Variants in RP1 observed in about 807,000 individuals in gnomAD.
RP1 encodes the protein oxygen-regulated protein 1.
Under a neutral mutation model 14.8 loss-of-function variants are expected in RP1, and 16 were observed. The observed-to-expected ratio is 1.08, with a 90% CI of 0.73 to 1.65. The LOEUF (loss-of-function observed/expected upper bound fraction) is 1.65, where lower values mean the gene tolerates loss of function less well. Among genes scored for constraint, RP1 ranks in the 40% most tolerant of loss-of-function variants. The pLI, the probability that RP1 is intolerant of heterozygous loss-of-function variation, is 0.00. For missense variants in RP1, 2,631 were observed against 2,535.0 expected, an observed-to-expected ratio of 1.04 and a Z score of -0.81; for synonymous variants, 876 against 883.6, an observed-to-expected ratio of 0.99 and a Z score of 0.15.
intron 7 of RP1, among the ~76,000 whole-genome samples, chr8:54,670,704 TATAA>T (rs1807159478): frequency 1.7e-5 from 2 of 114,504 alleles, no homozygotes; most frequent in Admixed American, 9.3e-5. Context: ...TATATATATA[TATAA>T]AACATTAAGT....
intron 1 of RP1, among the ~76,000 whole-genome samples, chr8:54,608,002 G>A (rs889424081): frequency 2.6e-5 from 4 of 151,914 alleles, no homozygotes; most frequent in African/African-American, 4.8e-5. Context: ...TGGGTGAGGC[G>A]ATGCCTCACC....
chr8:54,780,399 C>T (rs1381094250), intron 23 of RP1, among the ~76,000 whole-genome samples: 1 of 152,222 alleles, frequency 6.6e-6, no homozygotes, highest in Non-Finnish European at 1.5e-5. Context: ...ATCGAACTCA[C>T]TTCTTCCCTT....
rs1198994226 is a variant in RP1, at chr8:54,630,271, G to C, written c.6389G>C (p.Gly2130Ala). 2 of 1,613,494 alleles carry C rather than the reference G, an allele frequency of 1.2e-6. No homozygotes were observed. The highest frequency in any genetic ancestry group is 1.7e-6 in the Non-Finnish European group (2 of 1,179,824). Residue 2130 changes from glycine (G) to alanine (A), a missense_variant, in exon 4 of 4, where the codon GGT becomes GCT. Physicochemically the swap from Gly to Ala is moderately conservative, Grantham distance 60 (BLOSUM62 0). Transcript: ENST00000220676. ...RNILELCMFE[G>A]ENLFIWEEED... ...ATTTTAGAACTTTGTATGTTTGAGG[G>C]TGAAAATCTTTTCATTTGGGAAGAG...
intron 1 of RP1, among the ~76,000 whole-genome samples, chr8:54,617,596 C>G: frequency 6.6e-6 from 1 of 152,204 alleles, no homozygotes; most frequent in East Asian, 1.9e-4. Flanking sequence ...TGGAGGGCAT[C>G]TCTACCACTT....
At chr8:54,840,592 CAAA>C (rs59468913) in intron 25 of RP1, among the ~76,000 whole-genome samples, 1 of 127,478 alleles carries the variant, frequency 7.8e-6, no homozygotes, top group African/African-American at 2.8e-5. Context: ...TTGTTACATG[CAAA>C]AAAAAAAAAA....
intron 27 of RP1, among the ~76,000 whole-genome samples, chr8:54,861,226 G>A (rs1226405083): frequency 1.3e-5 from 2 of 152,114 alleles, no homozygotes; most frequent in Non-Finnish European, 2.9e-5. Flanking sequence ...TACCAGTACT[G>A]GTGGTTCTAC....
intron 27 of RP1, among the ~76,000 whole-genome samples, chr8:54,863,402 T>C (rs1812394734): frequency 6.6e-6 from 1 of 152,206 alleles, no homozygotes; most frequent in Non-Finnish European, 1.5e-5. Context: ...TGCATGATAA[T>C]GAAATCACCT....
At chr8:54,852,751 A>C (rs1470479245) in intron 26 of RP1, 1 of 1,230,878 alleles carries the variant, frequency 8.1e-7, no homozygotes, top group African/African-American at 1.5e-5. Flanking sequence ...GGTCTTCATC[A>C]GTTTTTACCG....
intron 3 of RP1, among the ~76,000 whole-genome samples, chr8:54,641,942 C>T (rs1806461620): frequency 6.6e-6 from 1 of 152,178 alleles, no homozygotes. Context: ...CTACTACCCT[C>T]CTCTCCTCAC....
At chr8:54,687,960 C>T (rs891063348) in intron 12 of RP1, among the ~76,000 whole-genome samples, 2 of 152,160 alleles carry the variant, frequency 1.3e-5, no homozygotes, top group African/African-American at 2.4e-5. Context: ...TCTCCACATC[C>T]CCTCCAGCAT....
chr8:54,640,884 C>CCTTG, intron 3 of RP1, among the ~76,000 whole-genome samples: 1 of 151,946 alleles, frequency 6.6e-6, no homozygotes, highest in Non-Finnish European at 1.5e-5. Flanking sequence ...ACTCTTATTG[C>CCTTG]CTTGCTTGGA....
At chr8:54,689,963 C>T (rs1807670372) in intron 12 of RP1, among the ~76,000 whole-genome samples, 1 of 152,018 alleles carries the variant, frequency 6.6e-6, no homozygotes, top group African/African-American at 2.4e-5. Context: ...CTTAAATCTT[C>T]TTTGCACTTT....
At chr8:54,685,665 AT>A (rs572477978) in intron 12 of RP1, among the ~76,000 whole-genome samples, 69 of 150,390 alleles carry the variant, frequency 4.6e-4, no homozygotes, top group Admixed American at 3.4e-3. Flanking sequence ...ACATGATGAG[AT>A]TTTTTTTTTC....
intron 15 of RP1, among the ~76,000 whole-genome samples, chr8:54,712,062 C>T (rs1206400980): frequency 1.3e-5 from 2 of 152,082 alleles, no homozygotes; most frequent in Non-Finnish European, 2.9e-5. Flanking sequence ...TTTCTTTCCT[C>T]CAGGTATGAA....
chr8:54,775,452 G>C (rs1810010465), intron 23 of RP1, among the ~76,000 whole-genome samples: 1 of 152,184 alleles, frequency 6.6e-6, no homozygotes. Flanking sequence ...TCCAGCCACT[G>C]TCCTGTGAGA....
intron 22 of RP1, chr8:54,759,119 T>C (rs1335335198): frequency 4.0e-6 from 6 of 1,510,782 alleles, no homozygotes; most frequent in Middle Eastern, 2.3e-4. Context: ...TATGCTGCAC[T>C]GTGGATGATG....
intron 15 of RP1, among the ~76,000 whole-genome samples, chr8:54,716,184 G>A (rs1808399088): frequency 2.0e-5 from 3 of 152,064 alleles, no homozygotes; most frequent in Admixed American, 1.3e-4. Context: ...AACACAGTTT[G>A]GCTGAAAAGC....
intron 24 of RP1, among the ~76,000 whole-genome samples, chr8:54,836,705 G>T (rs10087108): frequency 0.3 from 46,157 of 151,934 alleles, 7,206 homozygotes; most frequent in South Asian, 0.37. Flanking sequence ...TCTCAGACTG[G>T]GTGGTCTTAA....
chr8:54,719,392 CA>C (rs1248390115), intron 15 of RP1, among the ~76,000 whole-genome samples: 1 of 152,106 alleles, frequency 6.6e-6, no homozygotes, highest in Non-Finnish European at 1.5e-5. Flanking sequence ...GAAAGAAGCT[CA>C]CATTTGAGGG....
Sources: allele counts gnomAD v4.1 joint callset (sites outside exome capture counted in the v4.1 genomes callset), GRCh38; gene constraint gnomAD v4.1.1; transcripts MANE v1.5; gene names NCBI Gene and HGNC (gene_info 2026-07-23, HGNC 2026-07-21).